The following PFDN4 variants were observed in gnomAD, a reference collection of about 807,000 sequenced individuals.
PFDN4 encodes prefoldin subunit 4.
Under a neutral mutation model 17.6 loss-of-function variants are expected in PFDN4, and 6 were observed. The ratio of observed to expected loss-of-function variants is 0.34; its 90% CI spans 0.19 to 0.67. The LOEUF (loss-of-function observed/expected upper bound fraction) is 0.67. Ranked by LOEUF, PFDN4 falls within the 30% of genes least tolerant of loss-of-function variation. The pLI is 0.68. For synonymous variants in PFDN4, 48 were observed against 51.1 expected, an observed-to-expected ratio of 0.94 and a Z score of 0.26; for missense variants, 119 against 158.4, an observed-to-expected ratio of 0.75 and a Z score of 1.33.
intron 1 of PFDN4, among the ~76,000 whole-genome samples, chr20:54,214,076 T>C (rs2047364684): frequency 6.6e-6 from 1 of 152,260 alleles, no homozygotes; most frequent in Admixed American, 6.5e-5. Flanking sequence ...TGGCTTTTTT[T>C]CTTTCCTTTT....
chr20:54,218,192 T>A (rs201172839), intron 3 of PFDN4, among the ~76,000 whole-genome samples: 163 of 138,312 alleles, frequency 1.2e-3, no homozygotes, highest in Middle Eastern at 7.5e-3. Context: ...TTTTTTTTTT[T>A]AAAACAAAGA....
intron 3 of PFDN4, among the ~76,000 whole-genome samples, chr20:54,217,660 CAA>C (rs2092764392): frequency 6.6e-6 from 1 of 152,092 alleles, no homozygotes; most frequent in African/African-American, 2.4e-5. Context: ...CGTCCCAGAG[CAA>C]AGAGGAGCCT....
chr20:54,212,307 T>A (rs576409761), intron 1 of PFDN4, among the ~76,000 whole-genome samples: 23 of 152,330 alleles, frequency 1.5e-4, no homozygotes, highest in Admixed American at 1.0e-3. Context: ...TCAAAGGCAC[T>A]GACATCTTAC....
intron 1 of PFDN4, among the ~76,000 whole-genome samples, chr20:54,212,504 G>A (rs1403330716): frequency 6.6e-6 from 1 of 152,214 alleles, no homozygotes; most frequent in Non-Finnish European, 1.5e-5. Context: ...ACAGAAAGCA[G>A]ATAGCCAAAT....
intron 2 of PFDN4, among the ~76,000 whole-genome samples, 174 bp downstream of exon 2, chr20:54,214,632 A>C (rs548595859): frequency 6.6e-6 from 1 of 152,100 alleles, no homozygotes; most frequent in Non-Finnish European, 1.5e-5. Context: ...GCGATAACTT[A>C]CAGAGTTGTT....
Position 54,219,074 on chromosome 20 carries a change from G to C in PFDN4, c.329G>C (p.Arg110Pro). Residue 110 changes from arginine to proline, a missense_variant, in exon 4 of 4, where the codon CGA becomes CCA. By Grantham distance (103) the Arg-to-Pro change is moderately radical. Transcript: ENST00000371419. ...GAATCCAGAGTGGAATCAATTCAGC[G>C]AGTGTTAGCAGATTTGAAAGTTCAG... The part of the protein sequence containing the change: ...ALESRVESIQ[R>P]VLADLKVQLY... The C allele has an allele frequency of 6.3e-7, 1 of 1,589,332 alleles. No homozygotes were observed. The highest frequency in any genetic ancestry group is 1.7e-4 in the Middle Eastern group (1 of 5,996).
At chr20:54,216,614 T>TA (rs1407859098) in intron 3 of PFDN4, among the ~76,000 whole-genome samples, 1 of 152,134 alleles carries the variant, frequency 6.6e-6, no homozygotes, top group Non-Finnish European at 1.5e-5. Flanking sequence ...CCCTGCCCCA[T>TA]ACACAGATAG....
At chr20:54,216,549 A>AT (rs1017590902) in intron 3 of PFDN4, among the ~76,000 whole-genome samples, 1 of 152,164 alleles carries the variant, frequency 6.6e-6, no homozygotes, top group African/African-American at 2.4e-5. Context: ...TTTAAAAAAC[A>AT]TTTTTATTGG....
chr20:54,214,504 G>C (rs964194475), intron 2 of PFDN4, 46 bp downstream of exon 2: 1 of 857,892 alleles, frequency 1.2e-6, no homozygotes, highest in East Asian at 2.7e-5. Flanking sequence ...TTATACTATA[G>C]CTACTAAAAC....
intron 3 of PFDN4, among the ~76,000 whole-genome samples, chr20:54,217,329 C>A (rs544275316): frequency 1.3e-5 from 2 of 152,034 alleles, no homozygotes; most frequent in African/African-American, 4.8e-5. Flanking sequence ...CATGTGTGAA[C>A]GGCCATAGGA....
chr20:54,211,034 A>G (rs992874434), intron 1 of PFDN4, among the ~76,000 whole-genome samples: 10 of 152,212 alleles, frequency 6.6e-5, no homozygotes, highest in African/African-American at 2.4e-4. Flanking sequence ...GCAGTGAGCC[A>G]AGATCACACC....
chr20:54,214,752 AG>A (rs1303956121), intron 2 of PFDN4, among the ~76,000 whole-genome samples: 3 of 152,276 alleles, frequency 2.0e-5, no homozygotes, highest in African/African-American at 7.2e-5. Context: ...CTTCCCAATG[AG>A]GAAGCCACCC....
At position 54,214,017 on chromosome 20, in the gene PFDN4, T is replaced by C. The variant is rs377636988; in HGVS notation, c.25-334T>C. Among the ~76,000 whole-genome samples, 9 of 152,344 alleles carry C rather than the reference T, an allele frequency of 5.9e-5. No individual in the cohort carries two copies. The East Asian group carries it at 1.5e-3, about 26-fold the overall frequency. ...GTAACTTTTTGTTTCCTGGGTCATC[T>C]TAATGAAAGAATGCTCCAACTTGAG... On this transcript the variant is annotated intron_variant, in intron 1 of 3. Coordinates refer to ENST00000371419, the MANE Select transcript of PFDN4 (RefSeq NM_002623.4).
chr20:54,218,412 A>T (rs2092765491), intron 3 of PFDN4, among the ~76,000 whole-genome samples: 1 of 152,148 alleles, frequency 6.6e-6, no homozygotes, highest in Non-Finnish European at 1.5e-5. Flanking sequence ...TTATTAATAC[A>T]ATATGGAATA....
At chr20:54,215,828 T>C (rs571800705) in intron 3 of PFDN4, among the ~76,000 whole-genome samples, 1 of 152,352 alleles carries the variant, frequency 6.6e-6, no homozygotes, top group South Asian at 2.1e-4. Flanking sequence ...CTGTATTTCT[T>C]TTATGTTCTC....
chr20:54,210,104 G>A (rs1408667535), intron 1 of PFDN4, among the ~76,000 whole-genome samples: 1 of 152,184 alleles, frequency 6.6e-6, no homozygotes, highest in Non-Finnish European at 1.5e-5. Flanking sequence ...TGGATAGGGA[G>A]CGAAGCATTC....
intron 3 of PFDN4, among the ~76,000 whole-genome samples, chr20:54,217,034 G>T (rs1486190954): frequency 6.6e-6 from 1 of 152,146 alleles, no homozygotes; most frequent in East Asian, 1.9e-4. Flanking sequence ...GTTCTGCCAT[G>T]TACTAGGGAT....
intron 3 of PFDN4, among the ~76,000 whole-genome samples, chr20:54,218,810 A>C (rs1379905922): frequency 6.6e-6 from 1 of 152,234 alleles, no homozygotes; most frequent in African/African-American, 2.4e-5. Context: ...TGAGAAAACA[A>C]ACTTGATTTA....
chr20:54,208,449 G>A (rs1379690529), intron 1 of PFDN4: 1 of 341,288 alleles, frequency 2.9e-6, no homozygotes, highest in Admixed American at 5.0e-5. Context: ...TGAGGTGTGG[G>A]AAGCCGAAGG....
Sources: gnomAD v4.1 joint callset for allele counts (sites outside exome capture counted in the v4.1 genomes callset) on GRCh38, gnomAD v4.1.1 for gene constraint, MANE v1.5 for transcripts, NCBI Gene and HGNC (gene_info 2026-07-23, HGNC 2026-07-21) for gene names.